Variants in VSTM4 observed in about 807,000 individuals in gnomAD.
The protein encoded by VSTM4 is V-set and transmembrane domain containing 4, also known as V-set and transmembrane domain-containing protein 4.
Under a neutral mutation model 36.4 loss-of-function variants are expected in VSTM4, and 20 were observed. The ratio of observed to expected loss-of-function variants is 0.55; its 90% CI spans 0.39 to 0.80. The LOEUF is 0.80. VSTM4 is among the 30% of genes least tolerant of loss of function. The probability of loss-of-function intolerance (pLI) is 0.00; values close to 1 mark genes in which losing one functional copy is unlikely to be tolerated. For synonymous variants in VSTM4, 182 were observed against 173.9 expected (o/e 1.05, Z -0.37); for missense variants, 392 against 404.5 (o/e 0.97, Z 0.26).
At position 49,111,392 on chromosome 10, in the gene VSTM4, C is replaced by T. The variant is rs527563728; in HGVS notation, c.56-3397G>A. Among the ~76,000 whole-genome samples the T allele has an allele frequency of 2.0e-5, 3 of 152,214 alleles. 1 individual carries two copies. The South Asian group carries it at 6.2e-4, about 32-fold the overall frequency. On this transcript the variant is annotated intron_variant, in intron 1 of 7. Transcript: ENST00000332853. ...CAGAGGCAGGAGACAGTGTACAGGG[C>T]CCCCGGGAGCCCAGGCTCTTCCCTC...
intron 2 of VSTM4, among the ~76,000 whole-genome samples, chr10:49,094,693 A>G (rs1844537761): frequency 6.6e-6 from 1 of 152,226 alleles, no homozygotes; most frequent in African/African-American, 2.4e-5. Context: ...TTCTTATTCA[A>G]CAATGGATGA....
chr10:49,032,924 T>G (rs559364150), intron 7 of VSTM4, among the ~76,000 whole-genome samples: 4 of 142,726 alleles, frequency 2.8e-5, no homozygotes, highest in Admixed American at 7.2e-5. Context: ...TATGAGAAAG[T>G]GGTCACTCTG....
At chr10:49,080,736 T>C (rs1844263109) in intron 3 of VSTM4, among the ~76,000 whole-genome samples, 2 of 152,192 alleles carry the variant, frequency 1.3e-5, no homozygotes, top group Non-Finnish European at 2.9e-5. Context: ...TAGCATCAAC[T>C]GCTGGAAAAC....
intron 2 of VSTM4, among the ~76,000 whole-genome samples, chr10:49,092,053 C>G (rs1254492410): frequency 6.6e-6 from 1 of 152,184 alleles, no homozygotes; most frequent in African/African-American, 2.4e-5. Flanking sequence ...CATGCCTTCC[C>G]TTTCCGTGCC....
At chr10:49,045,936 T>C (rs2078556488) in intron 7 of VSTM4, among the ~76,000 whole-genome samples, 1 of 152,102 alleles carries the variant, frequency 6.6e-6, no homozygotes, top group South Asian at 2.1e-4. Flanking sequence ...AGGGAAGTGA[T>C]TGGGTTAGGG....
At chr10:49,074,621 T>C (rs1363622706) in intron 4 of VSTM4, among the ~76,000 whole-genome samples, 5 of 152,180 alleles carry the variant, frequency 3.3e-5, no homozygotes, top group South Asian at 2.1e-4. Flanking sequence ...AGTTGAAAGA[T>C]GCCTGGCTCC....
intron 2 of VSTM4, among the ~76,000 whole-genome samples, chr10:49,105,300 G>A (rs1844757852): frequency 7.8e-6 from 1 of 128,454 alleles, no homozygotes; most frequent in African/African-American, 3.2e-5. Flanking sequence ...AGACACAGAG[G>A]GAGGAAGAGA....
Position 49,018,527 on chromosome 10 carries a change from C to T in VSTM4, c.*1123G>A, listed in dbSNP as rs1453899160. ...TTCTATAGTGGGCAGTAAATAGCCA[C>T]CCAGACTATACTCACATCAAGAAAT... On this transcript the variant is annotated 3_prime_UTR_variant, in exon 8 of 8. Transcript: ENST00000332853. 1 of 152,168 alleles carries T rather than the reference C, an allele frequency of 6.6e-6. No homozygotes were observed. 9.4% of individuals were successfully genotyped at this position (152,168 alleles called of 1,614,324 possible).
At chr10:49,035,753 A>C (rs1843420000) in intron 7 of VSTM4, among the ~76,000 whole-genome samples, 2 of 151,562 alleles carry the variant, frequency 1.3e-5, no homozygotes. Flanking sequence ...CAGGAGGATC[A>C]GTTGAGCCCA....
At chr10:49,099,135 G>A (rs914385877) in intron 2 of VSTM4, among the ~76,000 whole-genome samples, 2 of 152,202 alleles carry the variant, frequency 1.3e-5, no homozygotes, top group African/African-American at 4.8e-5. Context: ...TCTCACCAGT[G>A]TAGTACCTAC....
At chr10:49,107,116 G>T (rs1050165313) in intron 2 of VSTM4, among the ~76,000 whole-genome samples, 9 of 152,122 alleles carry the variant, frequency 5.9e-5, no homozygotes, top group Non-Finnish European at 1.2e-4. Context: ...TGACTCTACT[G>T]AGTCCCCACT....
At chr10:49,093,742 C>CTTTTT (rs35299738) in intron 2 of VSTM4, among the ~76,000 whole-genome samples, 26 of 103,648 alleles carry the variant, frequency 2.5e-4, no homozygotes, top group East Asian at 1.7e-3. Context: ...CATAGTTACT[C>CTTTTT]TTTTTTTTTT....
chr10:49,054,827 C>T (rs1002315321), intron 5 of VSTM4, among the ~76,000 whole-genome samples: 49 of 152,138 alleles, frequency 3.2e-4, no homozygotes, highest in Non-Finnish European at 6.8e-4. Flanking sequence ...TCAAATGGTC[C>T]TTCTAATATA....
At chr10:49,047,988 C>G (rs1843639964) in intron 6 of VSTM4, among the ~76,000 whole-genome samples, 1 of 152,204 alleles carries the variant, frequency 6.6e-6, no homozygotes, top group Non-Finnish European at 1.5e-5. Flanking sequence ...TCCTCACTTA[C>G]ATTGCTCTAA....
intron 4 of VSTM4, 57 bp downstream of exon 4, chr10:49,077,162 C>T: frequency 6.4e-7 from 1 of 1,559,846 alleles, no homozygotes. Context: ...GCATCTTCCG[C>T]CCGTCTGTGG....
Position 49,017,779 on chromosome 10 carries a change from ATCATCCTCTGCCC to A in VSTM4, c.*1858_*1870del, listed in dbSNP as rs752941052. 3.3e-5 allele frequency: 5 copies of A among 152,166 alleles called. No homozygotes were observed. The highest frequency in any genetic ancestry group is 7.3e-5 in the Non-Finnish European group (5 of 68,032). The allele number at this position is 152,166 out of a possible 1,614,324, so 9.4% of individuals were successfully genotyped here. A position where few individuals can be genotyped will look rare whatever the true frequency, so the allele number is the denominator to read the frequency against. On this transcript the variant is annotated 3_prime_UTR_variant, in exon 8 of 8. Coordinates refer to ENST00000332853, the MANE Select transcript of VSTM4 (RefSeq NM_001031746.5). Reference sequence around the variant, plus strand: ...TAAGGCTCTTTGGGCAAATTAGGAGATCATCCTCTGCCCTCAAAACACTATACATCTGTCAGAA... The same window carrying A: ...TAAGGCTCTTTGGGCAAATTAGGAGATCAAAACACTATACATCTGTCAGAA...
At chr10:49,074,081 C>T (rs770159018) in intron 4 of VSTM4, among the ~76,000 whole-genome samples, 26 of 152,152 alleles carry the variant, frequency 1.7e-4, no homozygotes, top group Non-Finnish European at 3.4e-4. Flanking sequence ...GTTGAGTCTT[C>T]GCATATACAA....
chr10:49,104,241 G>C (rs893947676), intron 2 of VSTM4, among the ~76,000 whole-genome samples: 1 of 152,218 alleles, frequency 6.6e-6, no homozygotes, highest in Non-Finnish European at 1.5e-5. Flanking sequence ...AAAGGCTGCA[G>C]TGAGCCAAGA....
chr10:49,111,331 G>C (rs1844890402), intron 1 of VSTM4, among the ~76,000 whole-genome samples: 2 of 152,192 alleles, frequency 1.3e-5, no homozygotes, highest in South Asian at 4.1e-4. Context: ...ATGGCAATCA[G>C]AGGACAGGAC....
Sources: gnomAD v4.1 joint callset for allele counts (sites outside exome capture counted in the v4.1 genomes callset) on GRCh38, gnomAD v4.1.1 for gene constraint, MANE v1.5 for transcripts, NCBI Gene and HGNC (gene_info 2026-07-23, HGNC 2026-07-21) for gene names.